Variants in PCDHGA5 observed in about 807,000 individuals in gnomAD.
PCDHGA5 encodes protocadherin gamma subfamily A, 5.
A neutral mutation model predicts 56.7 loss-of-function variants in PCDHGA5; 36 were observed. The observed-to-expected ratio is 0.64, with a 90% CI of 0.49 to 0.84. The LOEUF is 0.84. PCDHGA5 is among the 40% of genes least tolerant of loss of function. PCDHGA5 has a pLI of 0.00. For missense variants in PCDHGA5, 1,305 were observed against 1,201.5 expected (o/e 1.09, Z -1.27); for synonymous variants, 563 against 520.2 (o/e 1.08, Z -1.12).
chr5:141,400,232 C>T (rs2093984634), intron 1 of PCDHGA5: 1 of 1,614,032 alleles, frequency 6.2e-7, no homozygotes. Context: ...TTCCTCCTGG[C>T]CGTGATTCTG....
intron 1 of PCDHGA5, chr5:141,394,343 C>T: frequency 1.2e-6 from 2 of 1,614,158 alleles, no homozygotes; most frequent in African/African-American, 1.3e-5. Context: ...TCAACTCTGA[C>T]ACCGGTGTCC....
intron 1 of PCDHGA5, chr5:141,422,945 C>T (rs13188215): frequency 6.2e-7 from 1 of 1,614,134 alleles, no homozygotes; most frequent in Non-Finnish European, 8.5e-7. Context: ...ACAGACGGCT[C>T]CACTGGCGTG....
intron 1 of PCDHGA5, chr5:141,375,132 C>T (rs1771158869): frequency 6.2e-7 from 1 of 1,613,952 alleles, no homozygotes; most frequent in Non-Finnish European, 8.5e-7. Flanking sequence ...GTGGTTGTTA[C>T]ATCTGGAAGC....
intron 1 of PCDHGA5, chr5:141,385,577 T>C: frequency 1.6e-6 from 2 of 1,290,108 alleles, no homozygotes; most frequent in Non-Finnish European, 2.0e-6. Context: ...TACTTTCCAA[T>C]CTATGTTCCA....
At chr5:141,500,116 C>T (rs1458562489) in intron 2 of PCDHGA5, among the ~76,000 whole-genome samples, 4 of 149,046 alleles carry the variant, frequency 2.7e-5, no homozygotes, top group Admixed American at 2.0e-4. Context: ...GAATCCCTGC[C>T]TTTTCATATA....
intron 2 of PCDHGA5, among the ~76,000 whole-genome samples, chr5:141,500,894 C>CAG (rs10656935): frequency 0.58 from 88,074 of 150,994 alleles, 27,125 homozygotes; most frequent in African/African-American, 0.78. Flanking sequence ...TTTTTTGAGA[C>CAG]AGTCTCGCTC....
chr5:141,398,325 G>A, intron 1 of PCDHGA5: 9 of 1,355,732 alleles, frequency 6.6e-6, no homozygotes, highest in Non-Finnish European at 8.2e-6. Flanking sequence ...CTCGAAAACT[G>A]CGCGTCAGTT....
Position 141,418,242 on chromosome 5 carries a change from A to T in PCDHGA5, c.2421+51491A>T, listed in dbSNP as rs779996033. ...ATTGTGGTGATTGAGGATGTTAATG[A>T]CCACGCCCCTCAATTCCGGAAAGAT... On this transcript the variant is annotated intron_variant, in intron 1 of 3. Transcript: ENST00000518069. The T allele has an allele frequency of 3.7e-6, 6 of 1,613,896 alleles. No individual in the cohort carries two copies. The East Asian group carries it at 1.3e-4, about 36-fold the overall frequency.
chr5:141,441,102 C>A (rs1057297804), intron 1 of PCDHGA5: 2 of 152,148 alleles, frequency 1.3e-5, no homozygotes, highest in Non-Finnish European at 2.9e-5. Flanking sequence ...GAGAGGGACT[C>A]ATTGTCCAGT....
At chr5:141,421,999 T>C in intron 1 of PCDHGA5, 1 of 1,609,214 alleles carries the variant, frequency 6.2e-7, no homozygotes, top group Non-Finnish European at 8.5e-7. Context: ...AAACATCAGC[T>C]CCGGAACTCG....
chr5:141,394,087 C>T, intron 1 of PCDHGA5: 2 of 1,613,888 alleles, frequency 1.2e-6, no homozygotes, highest in Non-Finnish European at 1.7e-6. Context: ...GTGATGGCCT[C>T]AGATCTAGGA....
chr5:141,426,887 G>A (rs1309180455), intron 1 of PCDHGA5: 1 of 456,646 alleles, frequency 2.2e-6, no homozygotes, highest in Non-Finnish European at 4.4e-6. Context: ...TGGGCCAGGA[G>A]CAACAGAGCT....
intron 1 of PCDHGA5, among the ~76,000 whole-genome samples, chr5:141,451,329 A>G (rs991467686): frequency 2.6e-5 from 4 of 152,196 alleles, no homozygotes; most frequent in African/African-American, 9.6e-5. Context: ...ACCTAAGGCT[A>G]TTGTCTTATC....
At chr5:141,500,500 C>T (rs6872480) in intron 2 of PCDHGA5, among the ~76,000 whole-genome samples, 1,599 of 152,210 alleles carry the variant, frequency 0.011, 36 homozygotes, top group African/African-American at 0.036. Context: ...TGAGCCACCG[C>T]GCCTGGCCGA....
chr5:141,385,282 G>A lies in PCDHGA5; in HGVS notation c.2421+18531G>A, dbSNP rs769141713. ...GAAAAATGATTCTTTGCTAACATCC[G>A]TAGATTTTCAGGAATGTAAAGAAAA... On this transcript the variant is annotated intron_variant, in intron 1 of 3. Transcript: ENST00000518069. 9.3e-6 allele frequency: 15 copies of A among 1,613,370 alleles called. No homozygotes were observed. The Admixed American group carries it at 1.8e-4, about 20-fold the overall frequency.
chr5:141,409,445 A>G, intron 1 of PCDHGA5: 1 of 1,613,988 alleles, frequency 6.2e-7, no homozygotes, highest in Non-Finnish European at 8.5e-7. Context: ...CCGAGAGCAG[A>G]CACCAGAATA....
chr5:141,408,789 T>C, intron 1 of PCDHGA5: 1 of 1,612,724 alleles, frequency 6.2e-7, no homozygotes, highest in Non-Finnish European at 8.5e-7. Context: ...GAGTTATCTC[T>C]GGAGAAACTC....
rs141873183 is a variant in PCDHGA5 at position 141,511,011 on chromosome 5, C to T, written c.2634C>T (p.Tyr878=). The T allele has an allele frequency of 1.5e-5, 24 of 1,614,082 alleles. No individual in the cohort carries two copies. Among genetic ancestry groups the T allele is most frequent in the Middle Eastern group, 1.6e-4 (1 of 6,084 alleles). Residue 878 remains tyrosine (Y), a synonymous_variant, in exon 4 of 4, where the codon TAC becomes TAT. Transcript: ENST00000518069. ...GAGTMGLSAR[Y]GPQFTLQHVP... The stretch of plus-strand genomic sequence containing the variant: ...GCACCATGGGATTGAGCGCCCGCTA[C>T]GGACCCCAGTTCACCCTGCAGCACG...
At chr5:141,500,184 T>TTATA (rs530565701) in intron 2 of PCDHGA5, among the ~76,000 whole-genome samples, 2 of 135,886 alleles carry the variant, frequency 1.5e-5, no homozygotes, top group Non-Finnish European at 3.2e-5. Flanking sequence ...TCATTTTTAT[T>TTATA]TTTATTTATT....
Sources: gnomAD v4.1 joint callset for allele counts (sites outside exome capture counted in the v4.1 genomes callset) on GRCh38, gnomAD v4.1.1 for gene constraint, MANE v1.5 for transcripts, NCBI Gene and HGNC (gene_info 2026-07-23, HGNC 2026-07-21) for gene names.